Variants in MAML3 observed in about 807,000 individuals in gnomAD.
The protein encoded by MAML3 is mastermind-like protein 3.
A neutral mutation model predicts 101.9 loss-of-function variants in MAML3; 27 were observed. The ratio of observed to expected loss-of-function variants is 0.27; its 90% CI spans 0.20 to 0.37. The LOEUF (loss-of-function observed/expected upper bound fraction) is 0.37, where lower values mean the gene tolerates loss of function less well. Ranked by LOEUF, MAML3 falls within the 10% of genes least tolerant of loss-of-function variation. The pLI, the probability that MAML3 is intolerant of heterozygous loss-of-function variation, is 1.00. For synonymous variants in MAML3, 501 were observed against 555.9 expected, an observed-to-expected ratio of 0.90 and a Z score of 1.39; for missense variants, 1,316 against 1,444.9, an observed-to-expected ratio of 0.91 and a Z score of 1.45.
chr4:139,825,688 G>C (rs144367312), intron 2 of MAML3, among the ~76,000 whole-genome samples: 1 of 151,728 alleles, frequency 6.6e-6, no homozygotes, highest in African/African-American at 2.4e-5. Context: ...TTTGCAGCGC[G>C]AGGTACAAAA....
Position 139,862,172 on chromosome 4 carries a change from G to T in MAML3, c.2079+27185C>A, listed in dbSNP as rs542143199. Among the ~76,000 whole-genome samples the T allele has an allele frequency of 5.3e-5, 8 of 152,260 alleles. No individual in the cohort carries two copies. The South Asian group carries it at 1.7e-3, about 32-fold the overall frequency. On this transcript the variant is annotated intron_variant, in intron 2 of 4. Transcript: ENST00000509479. ...TGCAGTGAGCTGAGATCGTGCCATT[G>T]CACTCCAGCCTGGGCAACAAAAGCA... is the stretch of plus-strand genomic sequence containing the variant.
rs150524986 is a variant in MAML3, at chr4:139,814,643, C to T, written c.2079+74714G>A. Among the ~76,000 whole-genome samples, 520 of 152,274 alleles carry T rather than the reference C, an allele frequency of 3.4e-3. 5 individuals carry two copies. The highest frequency in any genetic ancestry group is 5.8e-3 in the Non-Finnish European group (393 of 68,034). The stretch of plus-strand genomic sequence containing the variant: ...GTTCAGATACTTTTTGGTACAGCTA[C>T]GATAGCTGAAAGGTGGGTAACACCC... On this transcript the variant is annotated intron_variant, in intron 2 of 4. Transcript: ENST00000509479.
intron 2 of MAML3, among the ~76,000 whole-genome samples, chr4:139,734,432 T>C (rs375052590): frequency 2.6e-5 from 4 of 152,368 alleles, no homozygotes; most frequent in African/African-American, 9.6e-5. Context: ...CTCCCAAGAA[T>C]CTTAATACAG....
chr4:139,854,019 C>T (rs1731610081), intron 2 of MAML3, among the ~76,000 whole-genome samples: 1 of 151,808 alleles, frequency 6.6e-6, no homozygotes, highest in Non-Finnish European at 1.5e-5. Flanking sequence ...GACGGGGTTT[C>T]ACCATGTTGG....
chr4:140,035,664 C>T (rs995000074), intron 1 of MAML3, among the ~76,000 whole-genome samples: 5 of 151,670 alleles, frequency 3.3e-5, no homozygotes, highest in Admixed American at 6.6e-5. Context: ...CGTGGTGGCA[C>T]GCCAGCTACC....
At chr4:139,769,613 G>A (rs931000012) in intron 2 of MAML3, among the ~76,000 whole-genome samples, 3 of 151,918 alleles carry the variant, frequency 2.0e-5, no homozygotes, top group Non-Finnish European at 2.9e-5. Context: ...CCATGTCAAA[G>A]TTCTTTTTCT....
intron 2 of MAML3, among the ~76,000 whole-genome samples, chr4:139,781,391 T>C (rs1360455067): frequency 6.6e-6 from 1 of 152,106 alleles, no homozygotes; most frequent in African/African-American, 2.4e-5. Context: ...GGTCGAGGTA[T>C]GCTGTTTAAA....
Position 140,153,211 on chromosome 4 carries a change from A to C in MAML3, c.117T>G (p.Ser39Arg). 6.4e-7 allele frequency: 1 copy of C among 1,562,896 alleles called. No individual in the cohort carries two copies. The highest frequency in any genetic ancestry group is 8.7e-7 in the Non-Finnish European group (1 of 1,153,054). ...GATTGCTACTCGGAGCAGCGGGAGTACTATTGGGAGTATTATTCACACCGA... is the reference window on the plus strand; with the variant it reads ...GATTGCTACTCGGAGCAGCGGGAGTCCTATTGGGAGTATTATTCACACCGA... ...AGIGVNNTPN[S>R]TPAAPSSNHP... Residue 39 changes from serine (S) to arginine (R), a missense_variant, in exon 1 of 5, where the codon AGT becomes AGG. Physicochemically the swap from Ser to Arg is moderately radical, Grantham distance 110 (BLOSUM62 -1). Coordinates refer to ENST00000509479, the MANE Select transcript of MAML3 (RefSeq NM_018717.5).
intron 1 of MAML3, among the ~76,000 whole-genome samples, chr4:140,022,360 C>A (rs1726746655): frequency 6.6e-6 from 1 of 152,096 alleles, no homozygotes; most frequent in South Asian, 2.1e-4. Flanking sequence ...TTGAAGACTT[C>A]CTTTATTTCT....
chr4:140,125,586 C>A (rs936407594), intron 1 of MAML3, among the ~76,000 whole-genome samples: 1 of 152,164 alleles, frequency 6.6e-6, no homozygotes, highest in Admixed American at 6.5e-5. Context: ...CCACATCACT[C>A]CTATGTAGAG....
chr4:139,722,665 C>T (rs1037375997), intron 4 of MAML3, among the ~76,000 whole-genome samples: 2 of 152,136 alleles, frequency 1.3e-5, no homozygotes, highest in Non-Finnish European at 2.9e-5. Flanking sequence ...AGTATTTCCC[C>T]ATAGTCATGT....
chr4:139,995,968 T>C (rs1359020475), intron 1 of MAML3, among the ~76,000 whole-genome samples: 2 of 152,094 alleles, frequency 1.3e-5, no homozygotes, highest in African/African-American at 4.8e-5. Flanking sequence ...CTGTATCCCA[T>C]AATTTTTAAT....
At chr4:139,948,467 G>A (rs1733775773) in intron 1 of MAML3, among the ~76,000 whole-genome samples, 1 of 152,130 alleles carries the variant, frequency 6.6e-6, no homozygotes, top group East Asian at 1.9e-4. Flanking sequence ...ACATTCATAG[G>A]TGTATTAGCT....
At chr4:139,972,721 C>A (rs1186954070) in intron 1 of MAML3, among the ~76,000 whole-genome samples, 14 of 152,120 alleles carry the variant, frequency 9.2e-5, no homozygotes, top group Admixed American at 9.2e-4. Flanking sequence ...GTGAATTTTA[C>A]TTTATGTAAA....
intron 1 of MAML3, among the ~76,000 whole-genome samples, chr4:139,970,973 A>G (rs929275187): frequency 3.5e-4 from 53 of 152,218 alleles, no homozygotes; most frequent in African/African-American, 1.2e-3. Flanking sequence ...AAAATAAAAA[A>G]TCCAAATTTC....
At chr4:140,050,799 C>A (rs1268982541) in intron 1 of MAML3, among the ~76,000 whole-genome samples, 2 of 152,164 alleles carry the variant, frequency 1.3e-5, no homozygotes, top group African/African-American at 2.4e-5. Flanking sequence ...CTGAGAAGAG[C>A]CCACACCTCC....
intron 1 of MAML3, among the ~76,000 whole-genome samples, chr4:139,982,155 A>AT (rs1227357094): frequency 6.6e-6 from 1 of 152,024 alleles, no homozygotes; most frequent in Non-Finnish European, 1.5e-5. Context: ...TTCCACATTG[A>AT]TTTTTCCCAT....
chr4:139,873,023 A>C (rs1375358727), intron 2 of MAML3, among the ~76,000 whole-genome samples: 1 of 152,198 alleles, frequency 6.6e-6, no homozygotes, highest in Non-Finnish European at 1.5e-5. Flanking sequence ...TAGACGTTGC[A>C]GTGAGCTGAG....
intron 1 of MAML3, among the ~76,000 whole-genome samples, chr4:140,137,726 A>T (rs1728918507): frequency 6.6e-6 from 1 of 152,252 alleles, no homozygotes; most frequent in African/African-American, 2.4e-5. Context: ...CTTCTTCCAT[A>T]TATGGTGGTC....
Sources: gnomAD v4.1 joint callset for allele counts (sites outside exome capture counted in the v4.1 genomes callset) on GRCh38, gnomAD v4.1.1 for gene constraint, MANE v1.5 for transcripts, NCBI Gene and HGNC (gene_info 2026-07-23, HGNC 2026-07-21) for gene names.